Variants in TMEM164 observed in about 807,000 individuals in gnomAD.
The protein encoded by TMEM164 is RP13-360B22.2.
TMEM164 carries 4 observed loss-of-function variants against 18.8 expected under a neutral mutation model. That is an observed-to-expected ratio of 0.21 (90% CI 0.10 to 0.49). The LOEUF is 0.49. Among genes scored for constraint, TMEM164 ranks in the 20% least tolerant of loss-of-function variants. TMEM164 has a pLI of 0.98. For synonymous variants in TMEM164, 86 were observed against 101.7 expected (o/e 0.85, Z 0.93); for missense variants, 108 against 239.9 (o/e 0.45, Z 3.63).
chrX:110,088,149 G>A (rs1258495909), intron 3 of TMEM164, among the ~76,000 whole-genome samples: 1 of 112,224 alleles, frequency 8.9e-6, no homozygotes, highest in African/African-American at 3.2e-5. Context: ...TCCCCAGGGA[G>A]AAATTCAGAC....
chrX:110,033,971 G>A (rs1259251493), intron 2 of TMEM164, among the ~76,000 whole-genome samples: 3 of 107,263 alleles, frequency 2.8e-5, no homozygotes, highest in Non-Finnish European at 3.9e-5. Flanking sequence ...CCGCCCCACC[G>A]CCCACCCAAC....
At chrX:110,091,983 TG>T (rs1335498961) in intron 3 of TMEM164, among the ~76,000 whole-genome samples, 14 of 112,137 alleles carry the variant, frequency 1.2e-4, no homozygotes, top group African/African-American at 4.5e-4. Context: ...CCCCATTTCT[TG>T]TTTTTGTCAG....
intron 5 of TMEM164, among the ~76,000 whole-genome samples, chrX:110,170,222 G>A (rs781510436): frequency 8.9e-6 from 1 of 112,569 alleles, no homozygotes; most frequent in Non-Finnish European, 1.9e-5. Flanking sequence ...CTTTGCACCA[G>A]TACTTGCTGT....
intron 3 of TMEM164, among the ~76,000 whole-genome samples, chrX:110,070,931 T>C (rs1369915187): frequency 9.0e-6 from 1 of 111,402 alleles, no homozygotes; most frequent in Non-Finnish European, 1.9e-5. Context: ...AATTTTATTT[T>C]AGTTTTATCT....
chrX:110,005,786 C>T (rs1932668477), intron 2 of TMEM164, among the ~76,000 whole-genome samples: 1 of 111,574 alleles, frequency 9.0e-6, no homozygotes, highest in African/African-American at 3.3e-5. Flanking sequence ...CGCATCTCAG[C>T]CGATGCTGTG....
chrX:110,082,634 A>G (rs2065776610), intron 3 of TMEM164, among the ~76,000 whole-genome samples: 1 of 111,509 alleles, frequency 9.0e-6, no homozygotes, highest in African/African-American at 3.3e-5. Context: ...CTGCCTCACC[A>G]GTTATTAACA....
At chrX:110,103,772 T>C (rs752977735) in intron 3 of TMEM164, among the ~76,000 whole-genome samples, 3 of 111,903 alleles carry the variant, frequency 2.7e-5, no homozygotes, top group Non-Finnish European at 3.8e-5. Flanking sequence ...CTTTGCTTCT[T>C]GGGAGCACTT....
chrX:110,165,170 T>C (rs945650998), intron 5 of TMEM164, among the ~76,000 whole-genome samples: 2 of 112,839 alleles, frequency 1.8e-5, no homozygotes, highest in Non-Finnish European at 3.8e-5. Flanking sequence ...TGTACCCCTA[T>C]AGAGAAGTGT....
intron 4 of TMEM164, among the ~76,000 whole-genome samples, chrX:110,144,597 A>G (rs937057484): frequency 3.6e-5 from 4 of 111,663 alleles, no homozygotes; most frequent in Non-Finnish European, 7.5e-5. Context: ...TACAAAAGAC[A>G]TCTAGGAAGA....
rs560695330 is a variant in TMEM164 at position 110,116,822 on chromosome X, TTGTGTGTGTG to T, written c.507+7697_507+7706del. Among the ~76,000 whole-genome samples, 706 of 97,038 alleles carry T rather than the reference TTGTGTGTGTG, an allele frequency of 7.3e-3. 5 individuals carry two copies. The highest frequency in any genetic ancestry group is 0.035 in the South Asian group (70 of 2,009). The allele number at this position is 97,038 out of a possible 115,157, so 84.3% of individuals were successfully genotyped here. ...TTCATGTTCTGGCTGGGCCACTCCCTTGTGTGTGTGTGTGTGTGTGTGTGTGTGTGCGCGT... is the reference window on the plus strand; with the variant it reads ...TTCATGTTCTGGCTGGGCCACTCCCTTGTGTGTGTGTGTGTGTGTGCGCGT... On this transcript the variant is annotated intron_variant, in intron 4 of 6. Coordinates refer to ENST00000372068, the MANE Select transcript of TMEM164 (RefSeq NM_032227.4).
intron 3 of TMEM164, among the ~76,000 whole-genome samples, chrX:110,103,959 G>A (rs1162192404): frequency 9.0e-6 from 1 of 111,142 alleles, no homozygotes; most frequent in East Asian, 2.8e-4. Flanking sequence ...AAAAAGGTTT[G>A]GGGGTTTTTG....
chrX:110,175,678 A>G lies in TMEM164; in HGVS notation c.*2227A>G. ...ACCTGTCAGAGGAAGGAAGAAGTAAAGGGGGCATGCAGGGCTTTTGGGGGC... is the reference window on the plus strand; with the variant it reads ...ACCTGTCAGAGGAAGGAAGAAGTAAGGGGGGCATGCAGGGCTTTTGGGGGC... On this transcript the variant is annotated 3_prime_UTR_variant, in exon 7 of 7. Coordinates refer to ENST00000372068, the MANE Select transcript of TMEM164 (RefSeq NM_032227.4). The G allele has an allele frequency of 7.1e-6, 5 of 700,661 alleles. No homozygotes were observed. Among genetic ancestry groups the G allele is most frequent in the Non-Finnish European group, 8.5e-6 (5 of 590,174 alleles). The allele number at this position is 700,661 out of a possible 1,213,427, so 57.7% of individuals were successfully genotyped here.
chrX:110,024,899 T>G (rs757210995), intron 2 of TMEM164, among the ~76,000 whole-genome samples: 2 of 112,114 alleles, frequency 1.8e-5, no homozygotes, highest in Non-Finnish European at 3.8e-5. Context: ...AAAGATCTTG[T>G]ATTCAGGAAC....
intron 5 of TMEM164, among the ~76,000 whole-genome samples, chrX:110,156,293 A>G (rs1166051245): frequency 1.8e-5 from 2 of 111,948 alleles, no homozygotes; most frequent in Non-Finnish European, 3.8e-5. Context: ...TTGTACTTTT[A>G]TTATACTTTA....
At chrX:110,035,180 A>C (rs1460532767) in intron 2 of TMEM164, among the ~76,000 whole-genome samples, 15 of 108,978 alleles carry the variant, frequency 1.4e-4, no homozygotes, top group Middle Eastern at 9.3e-3. Flanking sequence ...TGTAACTAAC[A>C]TGCACGTTGT....
intron 2 of TMEM164, among the ~76,000 whole-genome samples, chrX:110,009,885 C>T (rs1279321063): frequency 1.8e-5 from 2 of 108,805 alleles, no homozygotes; most frequent in East Asian, 2.9e-4. Context: ...CCCAGCTACT[C>T]GGGAGGCTGA....
At chrX:110,022,084 A>G (rs1933906993) in intron 2 of TMEM164, among the ~76,000 whole-genome samples, 1 of 111,907 alleles carries the variant, frequency 8.9e-6, no homozygotes, top group South Asian at 3.7e-4. Context: ...TGGGGCCTGG[A>G]CATAGGCATT....
At chrX:110,047,579 G>A (rs1483015735) in intron 2 of TMEM164, among the ~76,000 whole-genome samples, 1 of 111,905 alleles carries the variant, frequency 8.9e-6, no homozygotes, top group Non-Finnish European at 1.9e-5. Flanking sequence ...ATCAAAATGA[G>A]GATATTGTGT....
In TMEM164 at chrX:110,093,611, A is replaced by G. The variant is rs185042667; in HGVS notation, c.441-15469A>G. On this transcript the variant is annotated intron_variant, in intron 3 of 6. Coordinates refer to ENST00000372068, the MANE Select transcript of TMEM164 (RefSeq NM_032227.4). ...TATTAGGCTTGATAGTGGTCTATCA[A>G]TTTTGTTGATCTTTTCAGAAAACCA... Among the ~76,000 whole-genome samples, 12 of 111,284 alleles carry G rather than the reference A, an allele frequency of 1.1e-4. No individual in the cohort carries two copies. In the East Asian group the frequency reaches 3.1e-3, roughly 29 times the overall value.
Sources: allele counts gnomAD v4.1 joint callset (sites outside exome capture counted in the v4.1 genomes callset), GRCh38; gene constraint gnomAD v4.1.1; transcripts MANE v1.5; gene names NCBI Gene and HGNC (gene_info 2026-07-23, HGNC 2026-07-21).